The following FREM1 variants were observed in gnomAD, a reference collection of about 807,000 sequenced individuals.
The protein encoded by FREM1 is FRAS1-related extracellular matrix protein 1.
FREM1 carries 220 observed loss-of-function variants against 210.1 expected under a neutral mutation model. The observed-to-expected ratio is 1.05, with a 90% CI of 0.94 to 1.17. The LOEUF (loss-of-function observed/expected upper bound fraction) is 1.17, where lower values mean the gene tolerates loss of function less well. Ranked by LOEUF, FREM1 falls within the 50% of genes most tolerant of loss-of-function variation. FREM1 has a pLI of 0.00. For synonymous variants in FREM1, 1,189 were observed against 980.2 expected (o/e 1.21, Z -3.98); for missense variants, 3,454 against 2,675.5 (o/e 1.29, Z -6.42).
At chr9:14,875,841 A>C (rs1833608983) in intron 1 of FREM1, among the ~76,000 whole-genome samples, 1 of 152,002 alleles carries the variant, frequency 6.6e-6, no homozygotes, top group Admixed American at 6.6e-5. Context: ...GGTGATTTAC[A>C]GATGGGTTTT....
rs767733343 is a variant in FREM1, at chr9:14,859,265, T to A, written c.549A>T (p.Pro183=). ...CCCCGAGAACCATCTGGCCATGGGC[T>A]GGCAGCCGAGTTCTCGCAGTGTCCA... ...VSLDTARTRL[P]AHGQMVLGEP... Residue 183 remains proline (P), a synonymous_variant, in exon 4 of 37, where the codon CCA becomes CCT. Coordinates refer to ENST00000380880, the MANE Select transcript of FREM1 (RefSeq NM_001379081.2). 1.2e-5 allele frequency: 20 copies of A among 1,613,722 alleles called. No individual in the cohort carries two copies. In the South Asian group the frequency reaches 2.2e-4, roughly 18 times the overall value.
chr9:14,811,241 T>C (rs537910740), intron 16 of FREM1, among the ~76,000 whole-genome samples: 1 of 146,054 alleles, frequency 6.8e-6, no homozygotes, highest in Non-Finnish European at 1.5e-5. Flanking sequence ...TACTGGGTTT[T>C]ATTTTAAAAA....
chr9:14,814,788 T>TA lies in FREM1; in HGVS notation c.2641-1725dup, dbSNP rs1011824920. Reference sequence around the variant, plus strand: ...TAGAATTAAGAATATTCCTTCTGGGTAAAAAAAAAATCACAAACACTTGTC... The same window carrying TA: ...TAGAATTAAGAATATTCCTTCTGGGTAAAAAAAAAAATCACAAACACTTGTC... On this transcript the variant is annotated intron_variant, in intron 15 of 36. Transcript: ENST00000380880. 1.2e-4 allele frequency among the ~76,000 whole-genome samples: 18 copies of TA among 150,038 alleles called. No individual in the cohort carries two copies. In the South Asian group the frequency reaches 1.7e-3, roughly 14 times the overall value.
intron 24 of FREM1, among the ~76,000 whole-genome samples, chr9:14,777,298 T>C (rs569372082): frequency 1.3e-5 from 2 of 152,316 alleles, no homozygotes; most frequent in East Asian, 1.9e-4. Flanking sequence ...ATGATCTTTG[T>C]AGCATTACAA....
intron 1 of FREM1, among the ~76,000 whole-genome samples, chr9:14,877,891 T>C (rs1017010081): frequency 6.6e-6 from 1 of 152,192 alleles, no homozygotes; most frequent in African/African-American, 2.4e-5. Context: ...ACAAAGTTTA[T>C]AGTGATTTGT....
At position 14,882,375 on chromosome 9, in the gene FREM1, C is replaced by T. The variant is rs545659082; in HGVS notation, c.-267-13131G>A. Among the ~76,000 whole-genome samples the T allele has an allele frequency of 3.3e-5, 5 of 152,120 alleles. No homozygotes were observed. In the East Asian group the frequency reaches 9.7e-4, roughly 29 times the overall value. On this transcript the variant is annotated intron_variant, in intron 1 of 36. Transcript: ENST00000380880. ...AGGAGATATCTATTCTTATGGCTCC[C>T]TGCACCACAATGCTGTTGAAAGAAT...
chr9:14,742,608 C>A (rs1841771213), intron 35 of FREM1, among the ~76,000 whole-genome samples: 1 of 152,054 alleles, frequency 6.6e-6, no homozygotes, highest in Non-Finnish European at 1.5e-5. Context: ...TTGTGAATGA[C>A]CCTCTGTAAA....
chr9:14,837,847 A>G (rs1337142493), intron 10 of FREM1, among the ~76,000 whole-genome samples: 1 of 152,254 alleles, frequency 6.6e-6, no homozygotes, highest in African/African-American at 2.4e-5. Context: ...CATGCTGTAA[A>G]CTTTGGCAAC....
chr9:14,869,121 C>A lies in FREM1; in HGVS notation c.-144G>T. 1.8e-6 allele frequency: 1 copy of A among 566,642 alleles called. No individual in the cohort carries two copies. The highest frequency in any genetic ancestry group is 3.1e-6 in the Non-Finnish European group (1 of 323,684). 35.1% of individuals were successfully genotyped at this position (566,642 alleles called of 1,614,324 possible). ...CAATGTGCCCCGAGATCTTAACATG[C>A]CCCTTTCATTTCAAAGTCAGACAAG... On this transcript the variant is annotated 5_prime_UTR_variant, in exon 2 of 37. Transcript: ENST00000380880.
In FREM1 at chr9:14,851,714, A is replaced by G. The variant is rs1564077230; in HGVS notation, c.829-107T>C. The G allele has an allele frequency of 1.1e-5, 10 of 900,110 alleles. No homozygotes were observed. The East Asian group carries it at 2.4e-4, about 22-fold the overall frequency. The allele number at this position is 900,110 out of a possible 1,614,324, so 55.8% of individuals were successfully genotyped here. ...ATACAGCCACAGCCTAGCGTCTAGC[A>G]GTGACCTGAAGCCTGGCTGCATATT... On this transcript the variant is annotated intron_variant, in intron 5 of 36. Transcript: ENST00000380880.
intron 8 of FREM1, among the ~76,000 whole-genome samples, chr9:14,844,826 G>C (rs565044495): frequency 2.6e-5 from 4 of 152,302 alleles, no homozygotes; most frequent in South Asian, 2.1e-4. Context: ...AGCAAACTTA[G>C]ATCATGACTT....
intron 25 of FREM1, among the ~76,000 whole-genome samples, chr9:14,773,037 T>C (rs954680915): frequency 1.3e-5 from 2 of 152,222 alleles, no homozygotes; most frequent in African/African-American, 4.8e-5. Flanking sequence ...AACTTCTAGC[T>C]TTGTCAAAAG....
chr9:14,908,340 C>A (rs2132771230), intron 1 of FREM1, among the ~76,000 whole-genome samples: 1 of 152,326 alleles, frequency 6.6e-6, no homozygotes, highest in Non-Finnish European at 1.5e-5. Flanking sequence ...CCTCGCCCAA[C>A]CCCTACAGCC....
At position 14,748,253 on chromosome 9, in the gene FREM1, G is replaced by T. The variant is rs1587680543; in HGVS notation, c.5796+148C>A. On this transcript the variant is annotated intron_variant, in intron 31 of 36. Coordinates refer to ENST00000380880, the MANE Select transcript of FREM1 (RefSeq NM_001379081.2). ...GCCTCAAGATCTTTGTATACAGAAGGCACTGCATAACTGTGCAAGGAACCA... is the reference window on the plus strand; with the variant it reads ...GCCTCAAGATCTTTGTATACAGAAGTCACTGCATAACTGTGCAAGGAACCA... The T allele has an allele frequency of 5.2e-6, 3 of 578,186 alleles. No homozygotes were observed. The East Asian group carries it at 8.4e-5, about 16-fold the overall frequency. The allele number at this position is 578,186 out of a possible 1,614,324, so 35.8% of individuals were successfully genotyped here.
intron 34 of FREM1, among the ~76,000 whole-genome samples, 195 bp downstream of exon 34, chr9:14,746,728 T>C (rs1460539743): frequency 6.6e-6 from 1 of 152,238 alleles, no homozygotes; most frequent in Non-Finnish European, 1.5e-5. Context: ...TCTTAAATGG[T>C]ATTGATTTAA....
chr9:14,880,651 A>C (rs796702440), intron 1 of FREM1, among the ~76,000 whole-genome samples: 12 of 152,240 alleles, frequency 7.9e-5, no homozygotes, highest in African/African-American at 2.9e-4. Flanking sequence ...GATTCATGTA[A>C]AATTGCATGT....
chr9:14,799,160 C>T (rs10961712), intron 20 of FREM1, among the ~76,000 whole-genome samples: 35,047 of 151,488 alleles, frequency 0.23, 4,258 homozygotes, highest in South Asian at 0.29. Context: ...ATGACTTGTG[C>T]CTGTGGTCCC....
intron 29 of FREM1, among the ~76,000 whole-genome samples, chr9:14,753,032 C>T (rs1211796289): frequency 6.6e-6 from 1 of 152,152 alleles, no homozygotes; most frequent in Admixed American, 6.5e-5. Flanking sequence ...AGAGGACTAA[C>T]TCTTTAGGTT....
chr9:14,774,291 C>T (rs189006484), intron 25 of FREM1: 2 of 409,090 alleles, frequency 4.9e-6, no homozygotes, highest in East Asian at 1.2e-4. Context: ...AGAGATCACC[C>T]TCCATAATGC....
Sources: allele counts gnomAD v4.1 joint callset (sites outside exome capture counted in the v4.1 genomes callset), GRCh38; gene constraint gnomAD v4.1.1; transcripts MANE v1.5; gene names NCBI Gene and HGNC (gene_info 2026-07-23, HGNC 2026-07-21).